SUCLA2: variants seen among roughly 807,000 people sequenced by gnomAD.
SUCLA2 encodes succinate--CoA ligase [ADP-forming] subunit beta, mitochondrial.
SUCLA2 carries 30 observed loss-of-function variants against 54.8 expected under a neutral mutation model. The observed-to-expected ratio is 0.55, with a 90% CI of 0.41 to 0.74. The LOEUF is 0.74. Ranked by LOEUF, SUCLA2 falls within the 30% of genes least tolerant of loss-of-function variation. The pLI is 0.00. For missense variants in SUCLA2, 476 were observed against 562.9 expected, an observed-to-expected ratio of 0.85 and a Z score of 1.56; for synonymous variants, 172 against 188.9, an observed-to-expected ratio of 0.91 and a Z score of 0.74.
At chr13:47,980,402 G>A (rs527812863) in intron 4 of SUCLA2, among the ~76,000 whole-genome samples, 2 of 151,592 alleles carry the variant, frequency 1.3e-5, no homozygotes, top group Admixed American at 6.6e-5. Flanking sequence ...GTGACAGAGT[G>A]AGACTCCATC....
rs147195811 is a variant in SUCLA2, at chr13:47,963,215, T to C, written c.802+5380A>G. Among the ~76,000 whole-genome samples, 1,488 of 152,300 alleles carry C rather than the reference T, an allele frequency of 9.8e-3. 28 individuals are homozygous for C. The highest frequency in any genetic ancestry group is 0.033 in the African/African-American group (1,385 of 41,550). ...TTTGGTAACGAAAGGAATAACTATA[T>C]TGAAGCTAATAAAAACCATTTATGT... is the stretch of plus-strand genomic sequence containing the variant. On this transcript the variant is annotated intron_variant, in intron 6 of 10. Transcript: ENST00000646932.
chr13:47,943,746 G>A (rs1382161779), intron 10 of SUCLA2, among the ~76,000 whole-genome samples: 1 of 127,928 alleles, frequency 7.8e-6, no homozygotes, highest in Non-Finnish European at 1.6e-5. Flanking sequence ...GTGTATGTAT[G>A]TGTGTGTGTG....
rs975051346 is a variant in SUCLA2, at chr13:47,948,797, G to C, written c.1317+143C>G. ...AGTCTGCCTTAACATCTTTCAGCAA[G>C]AGTCATGAATAATCGTTTTCTTTAA... On this transcript the variant is annotated intron_variant, in intron 10 of 10. Transcript: ENST00000646932. 3.7e-6 allele frequency: 3 copies of C among 812,284 alleles called. No homozygotes were observed. In the African/African-American group the frequency reaches 5.1e-5, roughly 14 times the overall value. 50.3% of individuals were successfully genotyped at this position (812,284 alleles called of 1,614,324 possible).
intron 6 of SUCLA2, among the ~76,000 whole-genome samples, chr13:47,964,580 A>G (rs539558436): frequency 2.7e-4 from 41 of 152,314 alleles, no homozygotes; most frequent in Non-Finnish European, 4.7e-4. Flanking sequence ...TCATTGGGCC[A>G]GGCGTGGTGG....
At chr13:47,949,631 A>G (rs1256170046) in intron 8 of SUCLA2, 28 bp from the exon 9 acceptor site, 1 of 1,610,832 alleles carries the variant, frequency 6.2e-7, no homozygotes, top group Non-Finnish European at 8.5e-7. Flanking sequence ...TGATAGATTA[A>G]AATTTAAAAG....
intron 4 of SUCLA2, among the ~76,000 whole-genome samples, chr13:47,973,813 A>G (rs142426956): frequency 6.6e-6 from 1 of 152,324 alleles, no homozygotes; most frequent in African/African-American, 2.4e-5. Context: ...GCTGGAAACT[A>G]TCATTCTCAA....
chr13:47,996,744 T>TA, intron 2 of SUCLA2, 99 bp downstream of exon 2: 1 of 1,119,754 alleles, frequency 8.9e-7, no homozygotes, highest in Non-Finnish European at 1.3e-6. Flanking sequence ...TGTATTTTTT[T>TA]TAAAAAAAAG....
At chr13:47,982,866 G>A (rs778730438) in intron 4 of SUCLA2, among the ~76,000 whole-genome samples, 9 of 152,160 alleles carry the variant, frequency 5.9e-5, no homozygotes, top group Non-Finnish European at 1.0e-4. Flanking sequence ...TTGTTGGCTG[G>A]TTATGATTTT....
At chr13:47,966,158 CACAG>C (rs1427872014) in intron 6 of SUCLA2, among the ~76,000 whole-genome samples, 5 of 151,972 alleles carry the variant, frequency 3.3e-5, no homozygotes, top group African/African-American at 1.2e-4. Flanking sequence ...TGCATGTGTA[CACAG>C]ACAGAAAGAG....
At chr13:47,991,091 C>T (rs1416659376) in intron 2 of SUCLA2, among the ~76,000 whole-genome samples, 2 of 152,174 alleles carry the variant, frequency 1.3e-5, no homozygotes, top group Non-Finnish European at 2.9e-5. Context: ...CTGATCCCAA[C>T]CACCACTATC....
At position 47,943,766 on chromosome 13, in the gene SUCLA2, G is replaced by GTGTGTGTATATATATA. The variant is rs1300486540; in HGVS notation, c.1318-322_1318-321insTATATATATACACACA. Among the ~76,000 whole-genome samples, 319 of 139,648 alleles carry GTGTGTGTATATATATA rather than the reference G, an allele frequency of 2.3e-3. 1 individual carries two copies. The highest frequency in any genetic ancestry group is 3.3e-3 in the Non-Finnish European group (216 of 65,980). The allele number at this position is 139,648 out of a possible 152,430, so 91.6% of individuals were successfully genotyped here. On this transcript the variant is annotated intron_variant, in intron 10 of 10. Coordinates refer to ENST00000646932, the MANE Select transcript of SUCLA2 (RefSeq NM_003850.3). ...TGTATGTGTGTGTGTGTGTGTGTGT[G>GTGTGTGTATATATATA]TATATATATATATATTATTCTAAAT... is the stretch of plus-strand genomic sequence containing the variant.
At chr13:47,977,881 CAA>C (rs1467749010) in intron 4 of SUCLA2, among the ~76,000 whole-genome samples, 1 of 152,038 alleles carries the variant, frequency 6.6e-6, no homozygotes, top group Admixed American at 6.6e-5. Flanking sequence ...AATAGACAAA[CAA>C]GAGTCAAATC....
intron 4 of SUCLA2, among the ~76,000 whole-genome samples, chr13:47,981,755 G>A (rs1950061924): frequency 6.6e-6 from 1 of 152,224 alleles, no homozygotes; most frequent in Non-Finnish European, 1.5e-5. Context: ...GGCGGAGGTT[G>A]TGAGCCGAGA....
rs1245540968 is a variant in SUCLA2 at position 47,988,681 on chromosome 13, A to G, written c.394T>C (p.Ser132Pro). 1 of 1,613,776 alleles carries G rather than the reference A, an allele frequency of 6.2e-7. No homozygotes were observed. Among genetic ancestry groups the G allele is most frequent in the Non-Finnish European group, 8.5e-7 (1 of 1,179,934 alleles). The change falls in exon 4 of 11, where the codon TCT becomes CCT. Residue 132 changes from serine to proline, a missense_variant. Physicochemically the swap from Ser to Pro is moderately conservative, Grantham distance 74 (BLOSUM62 -1). Coordinates refer to ENST00000646932, the MANE Select transcript of SUCLA2 (RefSeq NM_003850.3). The stretch of plus-strand genomic sequence containing the variant: ...AATTTTTTCCCAATCATTTGTGAAG[A>G]AACAGCTTTTGCTTCTTCTGGACTA... ...VFSPEEAKAVSSQMIGKKLFT... is the reference protein window; with the variant it reads ...VFSPEEAKAVPSQMIGKKLFT...
intron 5 of SUCLA2, chr13:47,972,119 G>A (rs1419861947): frequency 8.8e-6 from 3 of 342,294 alleles, no homozygotes; most frequent in Middle Eastern, 1.5e-3. Flanking sequence ...GCCGGGCATG[G>A]TGACGTGCGC....
intron 1 of SUCLA2, chr13:48,000,853 G>A: frequency 1.7e-6 from 2 of 1,159,248 alleles, no homozygotes; most frequent in Non-Finnish European, 2.1e-6. Context: ...CGTGCCAGAC[G>A]CCGGAATGGC....
chr13:47,946,355 A>T (rs1435143221), intron 10 of SUCLA2, among the ~76,000 whole-genome samples: 1 of 152,220 alleles, frequency 6.6e-6, no homozygotes, highest in Non-Finnish European at 1.5e-5. Context: ...GGACTACTGC[A>T]CACATACATA....
At chr13:47,971,804 C>T (rs775310304) in intron 5 of SUCLA2, 14 of 398,208 alleles carry the variant, frequency 3.5e-5, no homozygotes, top group Admixed American at 8.8e-5. Context: ...AAATGTTTAA[C>T]CACTTAAACC....
intron 4 of SUCLA2, among the ~76,000 whole-genome samples, chr13:47,977,493 G>C (rs879549096): frequency 1.3e-5 from 2 of 151,280 alleles, no homozygotes; most frequent in Non-Finnish European, 2.9e-5. Flanking sequence ...CAAGCTAATA[G>C]CTCTGAAAAA....
Sources: allele counts gnomAD v4.1 joint callset (sites outside exome capture counted in the v4.1 genomes callset), GRCh38; gene constraint gnomAD v4.1.1; transcripts MANE v1.5; gene names NCBI Gene and HGNC (gene_info 2026-07-23, HGNC 2026-07-21).